Variants in PIAS2 observed in about 807,000 individuals in gnomAD.
The protein encoded by PIAS2 is protein inhibitor of activated STAT 2, also known as E3 SUMO-protein ligase PIAS2.
PIAS2 carries 19 observed loss-of-function variants against 69.7 expected under a neutral mutation model. The ratio of observed to expected loss-of-function variants is 0.27; its 90% confidence interval spans 0.19 to 0.40. The LOEUF (loss-of-function observed/expected upper bound fraction) is 0.40, where lower values mean the gene tolerates loss of function less well. Among genes scored for constraint, PIAS2 ranks in the 10% least tolerant of loss-of-function variants. The pLI is 1.00. For missense variants in PIAS2, 624 were observed against 757.0 expected, an observed-to-expected ratio of 0.82 and a Z score of 2.06; for synonymous variants, 261 against 263.2, an observed-to-expected ratio of 0.99 and a Z score of 0.08.
At position 46,917,059 on chromosome 18, in the gene PIAS2, C is replaced by T. The variant is rs559023120; in HGVS notation, c.24+263G>A. 8.7e-5 allele frequency: 86 copies of T among 988,422 alleles called. No homozygotes were observed. The African/African-American group carries it at 1.2e-3, about 14-fold the overall frequency. The allele number at this position is 988,422 out of a possible 1,614,324, so 61.2% of individuals were successfully genotyped here. ...CCTCCTGGAGGGCGCCCCGACCCCC[C>T]GCGCCAGGTGTGCGGACCACTGGCA... is the stretch of plus-strand genomic sequence containing the variant. On this transcript the variant is annotated intron_variant, in intron 1 of 13. Coordinates refer to ENST00000585916, the MANE Select transcript of PIAS2 (RefSeq NM_004671.5).
At chr18:46,862,427 G>A (rs1252308403) in intron 3 of PIAS2, among the ~76,000 whole-genome samples, 2 of 152,118 alleles carry the variant, frequency 1.3e-5, no homozygotes, top group Non-Finnish European at 2.9e-5. Flanking sequence ...TCATCTCAAA[G>A]AGTGTTCTAA....
chr18:46,816,188 T>G, intron 12 of PIAS2: 1 of 985,356 alleles, frequency 1.0e-6, no homozygotes, highest in Non-Finnish European at 1.2e-6. Context: ...ATTCCGTGAA[T>G]TTTTATGCTG....
chr18:46,854,067 A>G (rs1361758276), intron 5 of PIAS2, among the ~76,000 whole-genome samples: 1 of 152,204 alleles, frequency 6.6e-6, no homozygotes, highest in Non-Finnish European at 1.5e-5. Context: ...AGTATTTCTC[A>G]GGTCTCTAAG....
chr18:46,853,150 GC>G (rs1405254891), intron 5 of PIAS2: 1 of 152,232 alleles, frequency 6.6e-6, no homozygotes, highest in African/African-American at 2.4e-5. Context: ...AGCGGTGCAT[GC>G]CTGTAGTCCC....
chr18:46,848,110 T>C (rs1296402766), intron 5 of PIAS2, among the ~76,000 whole-genome samples: 1 of 152,226 alleles, frequency 6.6e-6, no homozygotes, highest in African/African-American at 2.4e-5. Flanking sequence ...CAGTCATTAA[T>C]GCATACATTT....
At chr18:46,917,637 C>T (rs1282651801), upstream of PIAS2, 24 of 828,626 alleles carry the variant, frequency 2.9e-5, no homozygotes, top group Non-Finnish European at 3.4e-5. Flanking sequence ...CGCGCCTGCC[C>T]CGGCGTGCTG....
At position 46,906,023 on chromosome 18, in the gene PIAS2, A is replaced by G. The variant is rs559223516; in HGVS notation, c.24+11299T>C. On this transcript the variant is annotated intron_variant, in intron 1 of 13. Transcript: ENST00000585916. ...GGGTTGAATTTATACTTGCAACACA[A>G]AGTTTGTTTAAATATTGGGAAAAAA... 8 of 152,266 alleles carry G rather than the reference A, an allele frequency of 5.3e-5. No homozygotes were observed. The East Asian group carries it at 5.8e-4, about 11-fold the overall frequency. 9.4% of individuals were successfully genotyped at this position (152,266 alleles called of 1,614,324 possible). A position where few individuals can be genotyped will look rare whatever the true frequency, so the allele number is the denominator to read the frequency against.
At chr18:46,839,758 G>A (rs554369192) in intron 8 of PIAS2, among the ~76,000 whole-genome samples, 14 of 151,638 alleles carry the variant, frequency 9.2e-5, no homozygotes, top group African/African-American at 2.9e-4. Flanking sequence ...CCAGCTACTC[G>A]GGAGACTGAG....
Position 46,805,122 on chromosome 18 carries a change from G to C in PIAS2, c.*7311C>G, listed in dbSNP as rs2144648941. 1 of 152,338 alleles carries C rather than the reference G, an allele frequency of 6.6e-6. No individual in the cohort carries two copies. The highest frequency in any genetic ancestry group is 1.9e-4 in the East Asian group (1 of 5,182). The allele number at this position is 152,338 out of a possible 1,614,324, so 9.4% of individuals were successfully genotyped here. ...AGCAAAGTCATCTTCTGAGAAGGAA[G>C]TGGCCTGAAAAGAGGGCAATAACAT... is the stretch of plus-strand genomic sequence containing the variant. On this transcript the variant is annotated 3_prime_UTR_variant, in exon 14 of 14. Transcript: ENST00000585916.
chr18:46,838,819 G>C (rs571455312), intron 8 of PIAS2, among the ~76,000 whole-genome samples: 2 of 152,268 alleles, frequency 1.3e-5, no homozygotes, highest in Non-Finnish European at 2.9e-5. Context: ...AGCTGATGGA[G>C]CTATATCACA....
rs753223816 is a variant in PIAS2 at position 46,828,075 on chromosome 18, C to G, written c.1392G>C (p.Lys464Asn). The G allele has an allele frequency of 1.9e-6, 3 of 1,613,820 alleles. No individual in the cohort carries two copies. In the Admixed American group the frequency reaches 5.0e-5, roughly 27 times the overall value. Residue 464 changes from lysine to asparagine, a missense_variant, in exon 11 of 14, where the codon AAG (lysine) becomes AAC (asparagine). By Grantham distance (94) the Lys-to-Asn change is moderately conservative. Coordinates refer to ENST00000585916, the MANE Select transcript of PIAS2 (RefSeq NM_004671.5). ...CSVTVASEAS[K>N]KKVDVIDLTI... ...TAAGATCAATAACATCTACTTTCTT[C>G]TTGCTTGCCTCACTGGCTACAGTCA... is the stretch of plus-strand genomic sequence containing the variant.
intron 1 of PIAS2, among the ~76,000 whole-genome samples, chr18:46,893,864 C>A (rs943493585): frequency 6.6e-6 from 1 of 152,124 alleles, no homozygotes; most frequent in African/African-American, 2.4e-5. Context: ...CAGTGGCTCA[C>A]GCTTATAATC....
chr18:46,912,629 G>C (rs1249341255), intron 1 of PIAS2, among the ~76,000 whole-genome samples: 1 of 152,100 alleles, frequency 6.6e-6, no homozygotes, highest in Middle Eastern at 3.2e-3. Flanking sequence ...TCAAAGTCTA[G>C]GACAGGTGGA....
Position 46,842,817 on chromosome 18 carries a change from C to G in PIAS2, c.1041+1237G>C, listed in dbSNP as rs190983892. Reference sequence around the variant, plus strand: ...ACCCTCAGGGCTTTCAGGTCTTACCCTACTGGAACTGCACACCTCTTCCCT... The same window carrying G: ...ACCCTCAGGGCTTTCAGGTCTTACCGTACTGGAACTGCACACCTCTTCCCT... On this transcript the variant is annotated intron_variant, in intron 8 of 13. Coordinates refer to ENST00000585916, the MANE Select transcript of PIAS2 (RefSeq NM_004671.5). 2.0e-5 allele frequency among the ~76,000 whole-genome samples: 3 copies of G among 152,314 alleles called. No homozygotes were observed. In the East Asian group the frequency reaches 5.8e-4, roughly 29 times the overall value.
intron 3 of PIAS2, among the ~76,000 whole-genome samples, chr18:46,861,416 CAA>C (rs907170178): frequency 2.0e-5 from 3 of 152,122 alleles, no homozygotes; most frequent in Non-Finnish European, 4.4e-5. Context: ...AATTAATCTG[CAA>C]AAGTTTGAGG....
intron 2 of PIAS2, among the ~76,000 whole-genome samples, chr18:46,872,431 T>C (rs2050507109): frequency 6.6e-6 from 1 of 152,204 alleles, no homozygotes; most frequent in African/African-American, 2.4e-5. Context: ...GTTTAGAGAT[T>C]CACCTAACCT....
chr18:46,814,299 C>T (rs1027175531), intron 13 of PIAS2, among the ~76,000 whole-genome samples: 4 of 152,138 alleles, frequency 2.6e-5, no homozygotes, highest in African/African-American at 7.2e-5. Context: ...TAGACCACTA[C>T]TAAATATACA....
intron 9 of PIAS2, among the ~76,000 whole-genome samples, chr18:46,835,376 CAAAGG>C (rs1240929611): frequency 1.3e-5 from 2 of 152,132 alleles, no homozygotes; most frequent in Non-Finnish European, 2.9e-5. Flanking sequence ...AAAAATTCAG[CAAAGG>C]AAAGTTCAGA....
At chr18:46,913,523 T>C (rs909396931) in intron 1 of PIAS2, among the ~76,000 whole-genome samples, 2 of 143,968 alleles carry the variant, frequency 1.4e-5, no homozygotes, top group African/African-American at 5.2e-5. Context: ...TCTCAATGCA[T>C]GAAAAGAAGG....
Sources: allele counts gnomAD v4.1 joint callset (sites outside exome capture counted in the v4.1 genomes callset), GRCh38; gene constraint gnomAD v4.1.1; transcripts MANE v1.5; gene names NCBI Gene and HGNC (gene_info 2026-07-23, HGNC 2026-07-21).